The following NWD2 variants were observed in gnomAD, a reference collection of about 807,000 sequenced individuals.
NWD2 encodes the protein NACHT and WD repeat domain containing 2.
In NWD2, 37 loss-of-function variants were observed where a neutral mutation model predicts 132.7. The observed-to-expected ratio is 0.28, with a 90% CI of 0.21 to 0.37. The LOEUF is 0.37. NWD2 is among the 10% of genes least tolerant of loss of function. The pLI, the probability that NWD2 is intolerant of heterozygous loss-of-function variation, is 1.00. For missense variants in NWD2, 1,592 were observed against 2,122.4 expected, an observed-to-expected ratio of 0.75 and a Z score of 4.91; for synonymous variants, 705 against 803.0, an observed-to-expected ratio of 0.88 and a Z score of 2.06.
intron 1 of NWD2, among the ~76,000 whole-genome samples, chr4:37,305,557 G>A (rs1410432048): frequency 1.3e-5 from 2 of 152,200 alleles, no homozygotes; most frequent in East Asian, 3.8e-4. Context: ...CATAAAAGAT[G>A]TTGAATTTTA....
intron 1 of NWD2, among the ~76,000 whole-genome samples, chr4:37,312,587 T>C (rs963002669): frequency 6.6e-6 from 1 of 150,978 alleles, no homozygotes; most frequent in African/African-American, 2.5e-5. Context: ...AGGGACAATT[T>C]GACTTCCTCT....
chr4:37,394,652 T>G (rs1478417027), intron 3 of NWD2, among the ~76,000 whole-genome samples: 1 of 152,132 alleles, frequency 6.6e-6, no homozygotes, highest in Non-Finnish European at 1.5e-5. Flanking sequence ...AAAGCTAGTC[T>G]AACCCTAGAG....
intron 1 of NWD2, among the ~76,000 whole-genome samples, chr4:37,318,020 C>CTTT (rs71185128): frequency 4.6e-4 from 52 of 113,360 alleles, no homozygotes; most frequent in African/African-American, 1.6e-3. Flanking sequence ...TTTTTTCTTT[C>CTTT]TTTTTTTTTT....
At chr4:37,325,816 C>T (rs1719162021) in intron 1 of NWD2, 120 bp from the exon 2 acceptor site, 2 of 596,542 alleles carry the variant, frequency 3.4e-6, no homozygotes. Flanking sequence ...TGTTATTTCA[C>T]AATCCAGCAC....
At chr4:37,384,074 C>T (rs1684623705) in intron 3 of NWD2, among the ~76,000 whole-genome samples, 2 of 152,124 alleles carry the variant, frequency 1.3e-5, no homozygotes, top group Admixed American at 1.3e-4. Flanking sequence ...GGTATTAAGC[C>T]TCACATGCAT....
intron 4 of NWD2, 58 bp downstream of exon 4, chr4:37,430,833 T>C: frequency 7.0e-7 from 1 of 1,437,158 alleles, no homozygotes; most frequent in East Asian, 2.5e-5. Flanking sequence ...TGTTACCATT[T>C]ATGTCATCCG....
intron 3 of NWD2, among the ~76,000 whole-genome samples, chr4:37,369,446 C>T (rs549288130): frequency 6.6e-5 from 10 of 152,092 alleles, no homozygotes; most frequent in Non-Finnish European, 1.2e-4. Flanking sequence ...CATGGATAAA[C>T]ATTATTTAGC....
chr4:37,439,173 A>C lies in NWD2; in HGVS notation c.1079A>C (p.Gln360Pro). Residue 360 changes from glutamine (Q) to proline (P), a missense_variant, in exon 6 of 7, where the codon CAG becomes CCG. This residue lies in a region of NWD2 where 1,071 missense variants were observed against 1,398.0 expected (regional missense o/e 0.77). Transcript: ENST00000309447. The surrounding 1 kb of genome is among the most constrained non-coding windows in gnomAD (Gnocchi z 4.5). ...MIDIIQATIQ[Q>P]NFDTETDTLY... ...GATATAATTCAGGCAACGATACAAC[A>C]GAATTTTGACACTGAAACTGATACA... 1 of 1,550,270 alleles carries C rather than the reference A, an allele frequency of 6.5e-7. No individual in the cohort carries two copies. Among genetic ancestry groups the C allele is most frequent in the Non-Finnish European group, 8.7e-7 (1 of 1,146,220 alleles).
At chr4:37,400,531 A>G (rs1720879089) in intron 3 of NWD2, among the ~76,000 whole-genome samples, 1 of 152,218 alleles carries the variant, frequency 6.6e-6, no homozygotes, top group African/African-American at 2.4e-5. Flanking sequence ...ATTCTTGCCC[A>G]TGTTCAGAAA....
At chr4:37,343,371 G>A (rs1577674220) in intron 2 of NWD2, among the ~76,000 whole-genome samples, 1 of 152,312 alleles carries the variant, frequency 6.6e-6, no homozygotes, top group East Asian at 1.9e-4. Flanking sequence ...AGTGGTAGCA[G>A]ATGTTAATCC....
intron 3 of NWD2, among the ~76,000 whole-genome samples, chr4:37,414,130 A>G (rs545854095): frequency 6.6e-6 from 1 of 151,032 alleles, no homozygotes; most frequent in East Asian, 1.9e-4. Context: ...TAAAAAAAAG[A>G]AAAAAAAGAA....
chr4:37,331,880 G>A (rs1449407935), intron 2 of NWD2, among the ~76,000 whole-genome samples: 2 of 149,630 alleles, frequency 1.3e-5, no homozygotes, highest in Admixed American at 1.3e-4. Flanking sequence ...GCTTGGTGAA[G>A]GGAGAGTACA....
At position 37,343,812 on chromosome 4, in the gene NWD2, T is replaced by A. The variant is rs375327240; in HGVS notation, c.241-12554T>A. ...TTTAGAAAAAATTTAGGATTATTTGTTTTTTTACAGATTGCTTTATTGTTA... is the reference window on the plus strand; with the variant it reads ...TTTAGAAAAAATTTAGGATTATTTGATTTTTTACAGATTGCTTTATTGTTA... On this transcript the variant is annotated intron_variant, in intron 2 of 6. Coordinates refer to ENST00000309447, the MANE Select transcript of NWD2 (RefSeq NM_001144990.2). Among the ~76,000 whole-genome samples the A allele has an allele frequency of 6.6e-5, 10 of 152,284 alleles. No individual in the cohort carries two copies. The East Asian group carries it at 1.9e-3, about 29-fold the overall frequency.
rs541050763 is a variant in NWD2 at position 37,324,168 on chromosome 4, A to T, written c.152-1768A>T. Among the ~76,000 whole-genome samples the T allele has an allele frequency of 2.2e-3, 338 of 152,118 alleles. 1 individual carries two copies. Among genetic ancestry groups the T allele is most frequent in the South Asian group, 6.2e-3 (30 of 4,802 alleles). Reference sequence around the variant, plus strand: ...TGTGTCTAAAATAAGAGTTGAAATTAAAAAAAATTAGGTACTAAATTTCTC... The same window carrying T: ...TGTGTCTAAAATAAGAGTTGAAATTTAAAAAAATTAGGTACTAAATTTCTC... On this transcript the variant is annotated intron_variant, in intron 1 of 6. Coordinates refer to ENST00000309447, the MANE Select transcript of NWD2 (RefSeq NM_001144990.2).
At chr4:37,272,796 T>G (rs1409520418) in intron 1 of NWD2, among the ~76,000 whole-genome samples, 2 of 151,808 alleles carry the variant, frequency 1.3e-5, no homozygotes, top group Non-Finnish European at 3.0e-5. Flanking sequence ...CTACTTGTGC[T>G]GGGTTTAATT....
intron 1 of NWD2, among the ~76,000 whole-genome samples, chr4:37,311,145 AC>A (rs1244867966): frequency 2.6e-5 from 4 of 152,098 alleles, no homozygotes; most frequent in African/African-American, 4.8e-5. Flanking sequence ...TTGGGTATAT[AC>A]CCAGTAATGG....
intron 1 of NWD2, among the ~76,000 whole-genome samples, chr4:37,255,862 G>A (rs560416775): frequency 6.6e-6 from 1 of 152,304 alleles, no homozygotes; most frequent in African/African-American, 2.4e-5. Context: ...AGCCCAGAGA[G>A]TGGGACCAGC....
intron 3 of NWD2, among the ~76,000 whole-genome samples, chr4:37,383,236 G>A (rs1288793000): frequency 6.6e-6 from 1 of 152,100 alleles, no homozygotes; most frequent in African/African-American, 2.4e-5. Flanking sequence ...TATGGGACTA[G>A]CCCTGTTTAC....
chr4:37,287,692 A>G (rs916321547), intron 1 of NWD2, among the ~76,000 whole-genome samples: 1 of 152,224 alleles, frequency 6.6e-6, no homozygotes, highest in African/African-American at 2.4e-5. Flanking sequence ...TTTGCAGTCA[A>G]GCAGAGTTAG....
Sources: allele counts gnomAD v4.1 joint callset (sites outside exome capture counted in the v4.1 genomes callset), GRCh38; gene constraint gnomAD v4.1.1; regional missense constraint gnomAD v4.1.1; non-coding constraint Gnocchi (gnomAD v3.1); transcripts MANE v1.5; gene names NCBI Gene and HGNC (gene_info 2026-07-23, HGNC 2026-07-21).